COG7: variants seen among roughly 807,000 people sequenced by gnomAD.
The protein encoded by COG7 is conserved oligomeric Golgi complex subunit 7.
A neutral mutation model predicts 91.5 loss-of-function variants in COG7; 49 were observed. The ratio of observed to expected loss-of-function variants is 0.54; its 90% CI spans 0.43 to 0.68. The LOEUF is 0.68. Ranked by LOEUF, COG7 falls within the 30% of genes least tolerant of loss-of-function variation. The pLI is 0.00. For synonymous variants in COG7, 365 were observed against 388.7 expected, an observed-to-expected ratio of 0.94 and a Z score of 0.72; for missense variants, 895 against 961.3, an observed-to-expected ratio of 0.93 and a Z score of 0.91.
intron 14 of COG7, 75 bp from the exon 15 acceptor site, chr16:23,393,422 A>G (rs1963233371): frequency 8.6e-7 from 1 of 1,164,436 alleles, no homozygotes; most frequent in East Asian, 2.4e-5. Flanking sequence ...ATTTGTGTGA[A>G]GGCAAACGGC....
intron 4 of COG7, among the ~76,000 whole-genome samples, chr16:23,437,596 C>A (rs774619169): frequency 1.3e-5 from 2 of 152,126 alleles, no homozygotes; most frequent in East Asian, 3.9e-4. Flanking sequence ...AAGAGCACAG[C>A]GGAGAATATA....
At chr16:23,395,595 A>G (rs111523334) in intron 14 of COG7, among the ~76,000 whole-genome samples, 1 of 152,250 alleles carries the variant, frequency 6.6e-6, no homozygotes, top group African/African-American at 2.4e-5. Context: ...AATTTCAGTA[A>G]TCTGACATCT....
At chr16:23,395,697 C>T (rs910726525) in intron 14 of COG7, among the ~76,000 whole-genome samples, 13 of 152,198 alleles carry the variant, frequency 8.5e-5, no homozygotes, top group African/African-American at 3.1e-4. Flanking sequence ...TGTCTCTATT[C>T]ACTCCTTGGA....
chr16:23,404,878 C>T (rs1182834441), intron 12 of COG7, among the ~76,000 whole-genome samples: 4 of 152,184 alleles, frequency 2.6e-5, no homozygotes, highest in Non-Finnish European at 1.5e-5. Context: ...CGAGATTGTG[C>T]CACTGCACTC....
intron 9 of COG7, chr16:23,416,006 T>C (rs1357301471): frequency 6.6e-6 from 1 of 152,164 alleles, no homozygotes; most frequent in African/African-American, 2.4e-5. Context: ...ATGCTTAATA[T>C]GGAAATGTAT....
intron 9 of COG7, chr16:23,414,709 C>A (rs2142073636): frequency 6.6e-6 from 1 of 152,344 alleles, no homozygotes; most frequent in South Asian, 2.1e-4. Flanking sequence ...GTGCCTCATA[C>A]TTATATCCCC....
chr16:23,431,811 GA>G (rs1173401499), intron 6 of COG7, among the ~76,000 whole-genome samples: 1,040 of 43,260 alleles, frequency 0.024, 10 homozygotes, highest in African/African-American at 0.074. Context: ...TCTGTCTGAA[GA>G]AAAAAAAAAA....
At chr16:23,426,690 T>C (rs997907431) in intron 6 of COG7, among the ~76,000 whole-genome samples, 1 of 151,352 alleles carries the variant, frequency 6.6e-6, no homozygotes, top group African/African-American at 2.4e-5. Flanking sequence ...ATAAAGGCCA[T>C]ATATGAAAAC....
At chr16:23,421,817 C>G (rs917326545) in intron 7 of COG7, among the ~76,000 whole-genome samples, 4 of 146,932 alleles carry the variant, frequency 2.7e-5, no homozygotes, top group African/African-American at 1.0e-4. Context: ...TGCCACTGCA[C>G]TCCCGCCTGG....
intron 6 of COG7, among the ~76,000 whole-genome samples, chr16:23,427,653 TTC>T (rs1160337450): frequency 6.6e-6 from 1 of 152,170 alleles, no homozygotes; most frequent in African/African-American, 2.4e-5. Flanking sequence ...TTCCTCCAAC[TTC>T]TGTGTTCCCG....
At chr16:23,397,116 C>G (rs1241345060) in intron 14 of COG7, among the ~76,000 whole-genome samples, 1 of 152,008 alleles carries the variant, frequency 6.6e-6, no homozygotes, top group African/African-American at 2.4e-5. Flanking sequence ...CCTATGTTGC[C>G]CAGACTGGTT....
chr16:23,445,725 C>T (rs1440095637), intron 2 of COG7, 88 bp downstream of exon 2: 4 of 1,337,236 alleles, frequency 3.0e-6, no homozygotes, highest in Non-Finnish European at 4.3e-6. Context: ...CCCAAAACAC[C>T]GTGCTGTTCT....
At chr16:23,390,874 T>G (rs1963183970) in intron 16 of COG7, among the ~76,000 whole-genome samples, 1 of 152,236 alleles carries the variant, frequency 6.6e-6, no homozygotes, top group South Asian at 2.1e-4. Context: ...TACAAGTTTA[T>G]CCATAAAACC....
At chr16:23,439,158 CAAAAAAAAAAAA>C in intron 4 of COG7, among the ~76,000 whole-genome samples, 1 of 53,740 alleles carries the variant, frequency 1.9e-5, no homozygotes, top group African/African-American at 7.3e-5. Context: ...ACTGTGTCTC[CAAAAAAAAAAAA>C]AAAAAAAAAG....
In COG7 at chr16:23,418,724, G is replaced by A. The variant is rs114661874; in HGVS notation, c.1113C>T (p.Leu371=). Residue 371 remains leucine, a synonymous_variant, in exon 8 of 17, where the codon CTC becomes CTT. Coordinates refer to ENST00000307149, the MANE Select transcript of COG7 (RefSeq NM_153603.4). ...CCAGAGGCACAGCACTCATCTGGAT[G>A]AGGAGGTTGCTCTCTTCCATGTCGC... The part of the protein sequence containing the change: ...KYGDMEESNL[L]IQMSAVPLEH... The A allele has an allele frequency of 1.7e-4, 269 of 1,613,898 alleles. No individual in the cohort carries two copies. The African/African-American group carries it at 3.2e-3, about 19-fold the overall frequency.
intron 1 of COG7, among the ~76,000 whole-genome samples, chr16:23,449,143 C>T (rs958825917): frequency 1.1e-4 from 16 of 151,930 alleles, no homozygotes; most frequent in Admixed American, 6.6e-4. Context: ...GCGAGTGGAT[C>T]ACAAGGTCAG....
In COG7 at chr16:23,403,710, A is replaced by G; in HGVS notation, c.1787T>C (p.Leu596Pro). The G allele has an allele frequency of 1.2e-6, 2 of 1,614,128 alleles. No homozygotes were observed. The highest frequency in any genetic ancestry group is 1.7e-6 in the Non-Finnish European group (2 of 1,179,982). The change falls in exon 13 of 17, where the codon CTT becomes CCT. Residue 596 changes from leucine to proline, a missense_variant. Coordinates refer to ENST00000307149, the MANE Select transcript of COG7 (RefSeq NM_153603.4). Reference protein sequence around the residue: ...VFLRIKQQLLLISKMDSWNTA... With the variant: ...VFLRIKQQLLPISKMDSWNTA... ...GAAACTCACGTCCATCTTCGAAATA[A>G]GCAACAGCTGTTGTTTGATGCGCAG...
chr16:23,409,903 C>T (rs1281713838), intron 11 of COG7, among the ~76,000 whole-genome samples: 6 of 152,164 alleles, frequency 3.9e-5, no homozygotes, highest in African/African-American at 1.4e-4. Flanking sequence ...ATCCTGAAGG[C>T]TGGCCCAAGG....
At chr16:23,418,930 G>C (rs1963703712) in intron 7 of COG7, 103 bp from the exon 8 acceptor site, 1 of 991,110 alleles carries the variant, frequency 1.0e-6, no homozygotes, top group African/African-American at 1.6e-5. Flanking sequence ...TTCCCCATTT[G>C]ATCTCCAGAG....
Sources: allele counts gnomAD v4.1 joint callset (sites outside exome capture counted in the v4.1 genomes callset), GRCh38; gene constraint gnomAD v4.1.1; transcripts MANE v1.5; gene names NCBI Gene and HGNC (gene_info 2026-07-23, HGNC 2026-07-21).